Variants in SDHC observed in about 807,000 individuals in gnomAD.
SDHC encodes the protein succinate dehydrogenase complex subunit C.
Under a neutral mutation model 22.6 loss-of-function variants are expected in SDHC, and 11 were observed. The observed-to-expected ratio is 0.49, with a 90% CI of 0.31 to 0.81. The LOEUF is 0.81. SDHC is among the 30% of genes least tolerant of loss of function. SDHC has a pLI of 0.05. For synonymous variants in SDHC, 80 were observed against 77.8 expected (o/e 1.03, Z -0.15); for missense variants, 160 against 212.0 (o/e 0.75, Z 1.52).
chr1:161,343,286 T>TA (rs1272669197), intron 4 of SDHC, among the ~76,000 whole-genome samples: 1 of 152,198 alleles, frequency 6.6e-6, no homozygotes, highest in East Asian at 1.9e-4. Context: ...AGGGATCCTG[T>TA]ATTTAAGGAA....
In SDHC at chr1:161,362,478, C is replaced by A. The variant is rs370435919; in HGVS notation, c.*45C>A. On this transcript the variant is annotated 3_prime_UTR_variant, in exon 6 of 6. Transcript: ENST00000367975. Reference sequence around the variant, plus strand: ...TCATCTTCCTACACATTATTACATTCACCCATCTTTCTGTTTGTCATTCTT... The same window carrying A: ...TCATCTTCCTACACATTATTACATTAACCCATCTTTCTGTTTGTCATTCTT... The A allele has an allele frequency of 4.3e-5, 69 of 1,611,918 alleles. No individual in the cohort carries two copies. The highest frequency in any genetic ancestry group is 5.5e-5 in the Non-Finnish European group (65 of 1,179,344).
chr1:161,358,663 A>T (rs1672378846), intron 5 of SDHC, among the ~76,000 whole-genome samples: 1 of 151,682 alleles, frequency 6.6e-6, no homozygotes, highest in Non-Finnish European at 1.5e-5. Context: ...ACAGTGGTTC[A>T]CGCCTGTAAT....
intron 3 of SDHC, among the ~76,000 whole-genome samples, chr1:161,337,375 A>T (rs57306652): frequency 0.12 from 17,769 of 151,908 alleles, 1,398 homozygotes; most frequent in African/African-American, 0.22. Flanking sequence ...TTATTTTCTC[A>T]CCACATAGGT....
chr1:161,323,716 G>C, intron 2 of SDHC, 46 bp downstream of exon 2: 1 of 1,431,876 alleles, frequency 7.0e-7, no homozygotes, highest in Non-Finnish European at 9.6e-7. Flanking sequence ...TTTTTTTTGA[G>C]ACGGAGTCTC....
rs771746264 is a variant in SDHC, at chr1:161,314,420, G to A, written c.15G>A (p.Leu5=). 1.2e-6 allele frequency: 2 copies of A among 1,612,082 alleles called. No individual in the cohort carries two copies. Among genetic ancestry groups the A allele is most frequent in the Middle Eastern group, 1.7e-4 (1 of 6,058 alleles). Reference sequence around the variant, plus strand: ...CGGAACCCAAGATGGCTGCGCTGTTGCTGAGGTGACTTCAGTGGGACTGGG... The same window carrying A: ...CGGAACCCAAGATGGCTGCGCTGTTACTGAGGTGACTTCAGTGGGACTGGG... The part of the protein sequence containing the change: MAAL[L]LRHVGRHCLR... The change falls in exon 1 of 6, where the codon TTG becomes TTA. Residue 5 remains leucine (L), a synonymous_variant. Transcript: ENST00000367975.
chr1:161,343,440 C>G (rs1671788158), intron 4 of SDHC, among the ~76,000 whole-genome samples: 1 of 152,142 alleles, frequency 6.6e-6, no homozygotes. Context: ...AGACTCCTAT[C>G]TAAGATCTGA....
intron 1 of SDHC, among the ~76,000 whole-genome samples, chr1:161,321,243 A>G (rs920542366): frequency 3.3e-5 from 5 of 152,228 alleles, no homozygotes; most frequent in Non-Finnish European, 7.3e-5. Context: ...ATGTTAATGC[A>G]TTTAGAAGGG....
chr1:161,333,060 C>T (rs11588994), intron 3 of SDHC, among the ~76,000 whole-genome samples: 57,372 of 152,116 alleles, frequency 0.38, 12,119 homozygotes, highest in African/African-American at 0.58. Flanking sequence ...TTACCTATTC[C>T]GAACATTTCA....
chr1:161,354,230 A>G (rs1433098781), intron 4 of SDHC, among the ~76,000 whole-genome samples: 1 of 152,226 alleles, frequency 6.6e-6, no homozygotes, highest in Non-Finnish European at 1.5e-5. Flanking sequence ...CAGATTGGAT[A>G]CTGCCACCCT....
rs925054826 is a variant in SDHC at position 161,362,621 on chromosome 1, C to T, written c.*188C>T. On this transcript the variant is annotated 3_prime_UTR_variant, in exon 6 of 6. Coordinates refer to ENST00000367975, the MANE Select transcript of SDHC (RefSeq NM_003001.5). ...TAGTGGAAAAGGGTCTAGTTTTCCC[C>T]TTGTTTCTAAAGATGAGGTGGCTGC... 1.0e-5 allele frequency: 16 copies of T among 1,590,378 alleles called. No individual in the cohort carries two copies. The South Asian group carries it at 1.6e-4, about 16-fold the overall frequency.
At chr1:161,326,499 G>C (rs954017275) in intron 2 of SDHC, among the ~76,000 whole-genome samples, 2 of 138,912 alleles carry the variant, frequency 1.4e-5, no homozygotes, top group Admixed American at 6.9e-5. Flanking sequence ...GAAAGCAAGT[G>C]GGGGAACATG....
At chr1:161,332,991 C>T (rs530773738) in intron 3 of SDHC, among the ~76,000 whole-genome samples, 66 of 152,356 alleles carry the variant, frequency 4.3e-4, no homozygotes, top group African/African-American at 1.4e-3. Context: ...GCCATCACCA[C>T]CAATCGTTTG....
At chr1:161,336,022 C>T (rs1337910350) in intron 3 of SDHC, among the ~76,000 whole-genome samples, 1 of 152,122 alleles carries the variant, frequency 6.6e-6, no homozygotes, top group Non-Finnish European at 1.5e-5. Context: ...CCACAAATAC[C>T]ATAACCCTTC....
intron 4 of SDHC, among the ~76,000 whole-genome samples, chr1:161,344,752 G>T (rs765851014): frequency 9.2e-5 from 14 of 152,138 alleles, no homozygotes; most frequent in South Asian, 2.1e-4. Context: ...TATTAATAAT[G>T]CCTATCTCAG....
intron 3 of SDHC, among the ~76,000 whole-genome samples, chr1:161,331,863 G>C (rs2102315705): frequency 6.6e-6 from 1 of 152,260 alleles, no homozygotes; most frequent in East Asian, 1.9e-4. Context: ...CCAAAGTGCT[G>C]GGATTACAGG....
At chr1:161,316,951 T>G (rs1172254722) in intron 1 of SDHC, among the ~76,000 whole-genome samples, 1 of 152,140 alleles carries the variant, frequency 6.6e-6, no homozygotes, top group Non-Finnish European at 1.5e-5. Flanking sequence ...TTGGGCCCAC[T>G]TAAGAGAAAT....
chr1:161,317,654 T>C (rs12737323), intron 1 of SDHC, among the ~76,000 whole-genome samples: 40,532 of 144,494 alleles, frequency 0.28, 6,554 homozygotes, highest in African/African-American at 0.46. Flanking sequence ...CTCTGCCTCC[T>C]GGGTTCAAGC....
intron 4 of SDHC, among the ~76,000 whole-genome samples, chr1:161,354,814 T>C (rs1197767741): frequency 2.0e-5 from 3 of 150,718 alleles, no homozygotes; most frequent in Admixed American, 1.3e-4. Context: ...GGTTCAAGAG[T>C]TTCTCCTGCC....
intron 4 of SDHC, among the ~76,000 whole-genome samples, chr1:161,340,945 G>C (rs1031813234): frequency 2.0e-5 from 3 of 152,188 alleles, no homozygotes; most frequent in African/African-American, 7.2e-5. Context: ...CTGGGTTCCA[G>C]CGATTCTCCT....
Sources: allele counts gnomAD v4.1 joint callset (sites outside exome capture counted in the v4.1 genomes callset), GRCh38; gene constraint gnomAD v4.1.1; transcripts MANE v1.5; gene names NCBI Gene and HGNC (gene_info 2026-07-23, HGNC 2026-07-21).